Variants in MCTP1 observed in about 807,000 individuals in gnomAD.
MCTP1 encodes the protein multiple C2 and transmembrane domain-containing protein 1.
Under a neutral mutation model 120.6 loss-of-function variants are expected in MCTP1, and 69 were observed. That is an observed-to-expected ratio of 0.57 (90% CI 0.47 to 0.70). MCTP1 has a LOEUF of 0.70. Ranked by LOEUF, MCTP1 falls within the 30% of genes least tolerant of loss-of-function variation. The pLI is 0.00. For synonymous variants in MCTP1, 529 were observed against 493.1 expected, an observed-to-expected ratio of 1.07 and a Z score of -0.96; for missense variants, 1,203 against 1,248.8, an observed-to-expected ratio of 0.96 and a Z score of 0.55.
At chr5:95,211,841 A>G (rs1463184763) in intron 1 of MCTP1, among the ~76,000 whole-genome samples, 1 of 152,190 alleles carries the variant, frequency 6.6e-6, no homozygotes, top group African/African-American at 2.4e-5. Flanking sequence ...GGTGATGTAC[A>G]GATGGATTTT....
chr5:95,220,992 C>A (rs183291138), intron 1 of MCTP1, among the ~76,000 whole-genome samples: 1 of 152,026 alleles, frequency 6.6e-6, no homozygotes, highest in Non-Finnish European at 1.5e-5. Flanking sequence ...GCAAAAAGGA[C>A]CTAAAGTGCT....
chr5:94,961,679 T>G (rs1456286714), intron 2 of MCTP1, among the ~76,000 whole-genome samples: 2 of 152,196 alleles, frequency 1.3e-5, no homozygotes, highest in Admixed American at 6.6e-5. Context: ...GAAGGTAACT[T>G]AGTGATGGTC....
intron 1 of MCTP1, among the ~76,000 whole-genome samples, chr5:95,219,392 AAAAAAAATCC>A (rs1447411467): frequency 6.6e-6 from 1 of 152,020 alleles, no homozygotes; most frequent in Non-Finnish European, 1.5e-5. Context: ...AAAAAAAAAA[AAAAAAAATCC>A]TTTTAAAATA....
intron 12 of MCTP1, among the ~76,000 whole-genome samples, chr5:94,881,085 C>T (rs1407387787): frequency 6.6e-6 from 1 of 152,044 alleles, no homozygotes; most frequent in Non-Finnish European, 1.5e-5. Flanking sequence ...TCTCTTGCAG[C>T]TAGAGATGTA....
intron 3 of MCTP1, among the ~76,000 whole-genome samples, chr5:94,943,447 A>G (rs559013030): frequency 1.3e-5 from 2 of 152,226 alleles, no homozygotes; most frequent in Admixed American, 6.5e-5. Context: ...GATAGTTCAG[A>G]GCTAGATCAG....
Position 94,708,585 on chromosome 5 carries a change from A to C in MCTP1, c.2855T>G (p.Leu952Arg), listed in dbSNP as rs749475740. Reference protein sequence around the residue: ...VWGINKFTKKLRSPYAIDNNE... With the variant: ...VWGINKFTKKRRSPYAIDNNE... ...GTTATCAATTGCATATGGACTCCGA[A>C]GCTTTTTTGTAAATTTATTGATGCC... The change falls in exon 22 of 23, where the codon CTT becomes CGT. Residue 952 changes from leucine to arginine, a missense_variant. By Grantham distance (102) the Leu-to-Arg change is moderately radical. Around this residue, in one of 2 missense-constraint regions of MCTP1, gnomAD observed 740 missense variants for 871.1 expected, o/e 0.85. Coordinates refer to ENST00000515393, the MANE Select transcript of MCTP1 (RefSeq NM_024717.7). The C allele has an allele frequency of 6.2e-7, 1 of 1,610,292 alleles. No homozygotes were observed. The highest frequency in any genetic ancestry group is 1.1e-5 in the South Asian group (1 of 90,962).
chr5:94,919,393 G>A (rs983264658), intron 7 of MCTP1, among the ~76,000 whole-genome samples: 4 of 151,692 alleles, frequency 2.6e-5, no homozygotes, highest in African/African-American at 9.7e-5. Flanking sequence ...AAAAAAAATC[G>A]ATTTAGACTT....
At chr5:94,714,509 G>T (rs1758368652) in intron 20 of MCTP1, among the ~76,000 whole-genome samples, 1 of 152,106 alleles carries the variant, frequency 6.6e-6, no homozygotes, top group African/African-American at 2.4e-5. Context: ...AGTGAAAAAT[G>T]TGCTAAAATT....
chr5:95,082,864 T>G (rs1246153799), intron 1 of MCTP1, among the ~76,000 whole-genome samples: 2 of 152,124 alleles, frequency 1.3e-5, no homozygotes, highest in Non-Finnish European at 2.9e-5. Flanking sequence ...AGTCTTCAGG[T>G]GGTGGTTCAA....
chr5:94,718,980 C>T (rs551182249), intron 19 of MCTP1, among the ~76,000 whole-genome samples: 3 of 152,248 alleles, frequency 2.0e-5, no homozygotes, highest in South Asian at 2.1e-4. Context: ...CTTGGCCTCC[C>T]AAAGTGCTGG....
chr5:94,978,735 A>G (rs191199476), intron 2 of MCTP1, among the ~76,000 whole-genome samples: 317 of 152,166 alleles, frequency 2.1e-3, no homozygotes, highest in Non-Finnish European at 2.8e-3. Context: ...CAATGGGCAT[A>G]AAGTCTCAAT....
chr5:94,873,701 C>G (rs27001), intron 12 of MCTP1, among the ~76,000 whole-genome samples: 1 of 151,756 alleles, frequency 6.6e-6, no homozygotes, highest in African/African-American at 2.4e-5. Flanking sequence ...CAAATTTATT[C>G]AGGAAAAACT....
At chr5:95,015,856 C>T (rs943960711) in intron 2 of MCTP1, among the ~76,000 whole-genome samples, 4 of 151,980 alleles carry the variant, frequency 2.6e-5, no homozygotes, top group Non-Finnish European at 4.4e-5. Context: ...TATATATATG[C>T]ATTTCAAATT....
intron 1 of MCTP1, among the ~76,000 whole-genome samples, chr5:95,201,847 AG>A (rs1233948679): frequency 6.6e-6 from 1 of 152,132 alleles, no homozygotes; most frequent in African/African-American, 2.4e-5. Context: ...TTCACTCTTC[AG>A]AAACCATAAA....
intron 19 of MCTP1, among the ~76,000 whole-genome samples, chr5:94,754,878 T>G (rs903710578): frequency 1.3e-5 from 2 of 152,202 alleles, no homozygotes; most frequent in Non-Finnish European, 2.9e-5. Context: ...ACTTGTCTCC[T>G]TCCCTTGCAA....
intron 19 of MCTP1, among the ~76,000 whole-genome samples, chr5:94,772,979 T>C (rs1774420778): frequency 1.3e-5 from 2 of 152,212 alleles, no homozygotes; most frequent in Admixed American, 1.3e-4. Flanking sequence ...AACTAGATTA[T>C]TTCTTGGGTA....
chr5:94,777,481 A>G (rs1775628953), intron 19 of MCTP1, among the ~76,000 whole-genome samples: 1 of 152,166 alleles, frequency 6.6e-6, no homozygotes, highest in Non-Finnish European at 1.5e-5. Flanking sequence ...GTTGACTTCA[A>G]ACAGGGACAT....
chr5:94,963,710 G>A (rs1252402309), intron 2 of MCTP1, among the ~76,000 whole-genome samples: 1 of 152,038 alleles, frequency 6.6e-6, no homozygotes, highest in Non-Finnish European at 1.5e-5. Context: ...TAGTTTAGAT[G>A]TTAGCTCCTT....
chr5:95,270,722 G>T (rs1759307694), intron 1 of MCTP1, among the ~76,000 whole-genome samples: 1 of 152,118 alleles, frequency 6.6e-6, no homozygotes, highest in African/African-American at 2.4e-5. Flanking sequence ...TTGAGGTCAG[G>T]AGTTCGAGAC....
Sources: allele counts gnomAD v4.1 joint callset (sites outside exome capture counted in the v4.1 genomes callset), GRCh38; gene constraint gnomAD v4.1.1; regional missense constraint gnomAD v4.1.1; transcripts MANE v1.5; gene names NCBI Gene and HGNC (gene_info 2026-07-23, HGNC 2026-07-21).